RANBP2: variants seen among roughly 807,000 people sequenced by gnomAD.
RANBP2 encodes RAN binding protein 2.
In RANBP2, 57 loss-of-function variants were observed where a neutral mutation model predicts 303.6. The observed-to-expected ratio is 0.19, with a 90% CI of 0.15 to 0.23. The LOEUF is 0.23. Ranked by LOEUF, RANBP2 falls within the 10% of genes least tolerant of loss-of-function variation. The pLI is 1.00. For synonymous variants in RANBP2, 1,167 were observed against 1,301.5 expected (o/e 0.90, Z 2.23); for missense variants, 3,138 against 3,780.8 (o/e 0.83, Z 4.46).
chr2:109,157,932 C>T, the RANBP2 span, among the ~76,000 whole-genome samples: 2 of 152,154 alleles, frequency 1.3e-5, no homozygotes, highest in Admixed American at 6.5e-5. Flanking sequence ...TTGCAGGCCG[C>T]TAATACAAAT....
chr2:109,332,543 C>T, the RANBP2 span, among the ~76,000 whole-genome samples: 17 of 152,270 alleles, frequency 1.1e-4, no homozygotes, highest in Admixed American at 9.1e-4. Context: ...TCTCCTGTCC[C>T]GAGCTCCCCG....
chr2:108,981,449 T>C, the RANBP2 span, among the ~76,000 whole-genome samples: 1 of 152,168 alleles, frequency 6.6e-6, no homozygotes, highest in Non-Finnish European at 1.5e-5. Flanking sequence ...GCTGGCCAGG[T>C]CTGCTCTTGG....
rs1251539550 is a variant in RANBP2, at chr2:108,759,827, A to G, written c.2602+1279A>G. Among the ~76,000 whole-genome samples the G allele has an allele frequency of 2.6e-5, 4 of 152,286 alleles. No individual in the cohort carries two copies. In the East Asian group the frequency reaches 7.7e-4, roughly 29 times the overall value. On this transcript the variant is annotated intron_variant, in intron 18 of 28. Coordinates refer to ENST00000283195, the MANE Select transcript of RANBP2 (RefSeq NM_006267.5). Reference sequence around the variant, plus strand: ...TCAGTTATTTGGTGCCTTGTGGGTCATGATTTCCATTTCTTCTGTGTACAG... The same window carrying G: ...TCAGTTATTTGGTGCCTTGTGGGTCGTGATTTCCATTTCTTCTGTGTACAG...
chr2:109,677,129 T>C, the RANBP2 span, among the ~76,000 whole-genome samples: 1 of 152,156 alleles, frequency 6.6e-6, no homozygotes, highest in Non-Finnish European at 1.5e-5. Flanking sequence ...TGTCTCCTCC[T>C]GTGGGAGTTT....
the RANBP2 span, among the ~76,000 whole-genome samples, chr2:109,250,241 AAGTTACGAG>A: frequency 2.0e-5 from 3 of 152,132 alleles, no homozygotes; most frequent in Non-Finnish European, 4.4e-5. Flanking sequence ...CAACTGAACC[AAGTTACGAG>A]AATGTTTAGA....
intron 27 of RANBP2, 38 bp from the exon 28 acceptor site, chr2:108,782,490 A>C (rs1678323910): frequency 6.2e-7 from 1 of 1,613,112 alleles, no homozygotes; most frequent in Non-Finnish European, 8.5e-7. Flanking sequence ...AGTTATTTTA[A>C]TACTAAGGTC....
the RANBP2 span, among the ~76,000 whole-genome samples, chr2:109,598,301 C>T: frequency 4.7e-4 from 71 of 152,120 alleles, no homozygotes; most frequent in African/African-American, 1.6e-3. Flanking sequence ...CTCCCAACCT[C>T]AGGTGATCCG....
the RANBP2 span, among the ~76,000 whole-genome samples, chr2:109,199,423 T>A: frequency 6.7e-4 from 2 of 2,976 alleles, no homozygotes; most frequent in Non-Finnish European, 1.9e-3. Flanking sequence ...TGGAATGGAA[T>A]GGAATGGAAT....
the RANBP2 span, among the ~76,000 whole-genome samples, chr2:108,886,388 A>G: frequency 1.3e-5 from 2 of 152,088 alleles, no homozygotes; most frequent in South Asian, 4.2e-4. Flanking sequence ...TCTTCTTTTG[A>G]ACAATGTCTA....
chr2:109,541,706 GCCT>G, the RANBP2 span, among the ~76,000 whole-genome samples: 1 of 152,198 alleles, frequency 6.6e-6, no homozygotes, highest in Non-Finnish European at 1.5e-5. Context: ...TACTAGGAAT[GCCT>G]CCTTCTTTCA....
At chr2:109,391,762 C>G in the RANBP2 span, among the ~76,000 whole-genome samples, 1 of 152,174 alleles carries the variant, frequency 6.6e-6, no homozygotes, top group Non-Finnish European at 1.5e-5. Flanking sequence ...CCCTTGGTAA[C>G]TATAGCTGGC....
the RANBP2 span, among the ~76,000 whole-genome samples, chr2:109,622,224 C>T: frequency 2.0e-5 from 3 of 152,182 alleles, no homozygotes; most frequent in Non-Finnish European, 2.9e-5. Flanking sequence ...ATAGCTGCTA[C>T]TTGCCCAAGG....
chr2:108,810,846 C>T, the RANBP2 span, among the ~76,000 whole-genome samples: 6 of 152,180 alleles, frequency 3.9e-5, no homozygotes, highest in Middle Eastern at 3.2e-3. Context: ...CTTTTTACTA[C>T]AATTCAATCT....
chr2:109,129,607 G>A, the RANBP2 span: 1 of 1,481,370 alleles, frequency 6.8e-7, no homozygotes, highest in Non-Finnish European at 8.9e-7. Context: ...GAGCGAGGGC[G>A]ACGAGGACAG....
chr2:109,735,636 A>AT, the RANBP2 span, among the ~76,000 whole-genome samples: 11 of 151,870 alleles, frequency 7.2e-5, no homozygotes, highest in South Asian at 1.0e-3. Context: ...GTTAAAAAAA[A>AT]TTTTTTTTTA....
chr2:109,670,170 G>A, the RANBP2 span, among the ~76,000 whole-genome samples: 6 of 152,130 alleles, frequency 3.9e-5, no homozygotes, highest in Non-Finnish European at 8.8e-5. Flanking sequence ...AGCCCCCTTA[G>A]CATCCTTCAC....
chr2:108,816,023 A>G, the RANBP2 span: 2 of 1,613,952 alleles, frequency 1.2e-6, no homozygotes, highest in Non-Finnish European at 1.7e-6. Context: ...AAAGTGAAAC[A>G]TGAAGAATCT....
the RANBP2 span, among the ~76,000 whole-genome samples, chr2:109,019,671 T>C: frequency 1.3e-5 from 2 of 152,170 alleles, no homozygotes; most frequent in Non-Finnish European, 1.5e-5. Context: ...GGCTCGCTGA[T>C]TTTTGCCAAT....
At chr2:109,600,505 A>G in the RANBP2 span, among the ~76,000 whole-genome samples, 1 of 151,220 alleles carries the variant, frequency 6.6e-6, no homozygotes, top group Non-Finnish European at 1.5e-5. Flanking sequence ...GACTGGACCT[A>G]CCTGCTTATA....
Sources: gnomAD v4.1 joint callset for allele counts (sites outside exome capture counted in the v4.1 genomes callset) on GRCh38, gnomAD v4.1.1 for gene constraint, MANE v1.5 for transcripts, NCBI Gene and HGNC (gene_info 2026-07-23, HGNC 2026-07-21) for gene names.